Variants in DCAF6 observed in about 807,000 individuals in gnomAD.
The protein encoded by DCAF6 is DDB1- and CUL4-associated factor 6.
Under a neutral mutation model 125.1 loss-of-function variants are expected in DCAF6, and 54 were observed. The ratio of observed to expected loss-of-function variants is 0.43; its 90% confidence interval spans 0.35 to 0.54. The LOEUF is 0.54. DCAF6 is among the 20% of genes least tolerant of loss of function. The pLI is 0.01. For missense variants in DCAF6, 934 were observed against 1,161.7 expected, an observed-to-expected ratio of 0.80 and a Z score of 2.85; for synonymous variants, 371 against 390.4, an observed-to-expected ratio of 0.95 and a Z score of 0.58.
chr1:168,012,851 A>AT (rs1189804980), intron 10 of DCAF6, among the ~76,000 whole-genome samples: 2 of 152,110 alleles, frequency 1.3e-5, no homozygotes, highest in African/African-American at 2.4e-5. Context: ...CTAAATCTTG[A>AT]TTTTTTTCAA....
chr1:167,878,828 C>T, the DCAF6 span, among the ~76,000 whole-genome samples: 2 of 152,180 alleles, frequency 1.3e-5, no homozygotes, highest in African/African-American at 4.8e-5. Context: ...GTTAGTTAGC[C>T]ATTAGCAAAG....
At chr1:167,958,578 T>C (rs1221924314) in intron 2 of DCAF6, among the ~76,000 whole-genome samples, 2 of 152,156 alleles carry the variant, frequency 1.3e-5, no homozygotes, top group African/African-American at 2.4e-5. Context: ...TTATTTTAGG[T>C]GACTTGGTTT....
chr1:167,891,197 T>C, the DCAF6 span, among the ~76,000 whole-genome samples: 2 of 151,902 alleles, frequency 1.3e-5, no homozygotes, highest in Admixed American at 1.3e-4. Flanking sequence ...CCTGACCTGG[T>C]GATCCACCCA....
At chr1:167,880,166 C>G in the DCAF6 span, 3 of 1,613,552 alleles carry the variant, frequency 1.9e-6, no homozygotes, top group Non-Finnish European at 2.5e-6. Context: ...AAGACAATCC[C>G]ACTGGCAACA....
intron 17 of DCAF6, among the ~76,000 whole-genome samples, chr1:168,053,911 C>T (rs1690269579): frequency 6.6e-6 from 1 of 152,172 alleles, no homozygotes; most frequent in African/African-American, 2.4e-5. Context: ...GCCTCATAAG[C>T]AGACCCTTCT....
At chr1:167,917,597 CAAAAAA>C in the DCAF6 span, 2 of 79,838 alleles carry the variant, frequency 2.5e-5, no homozygotes, top group African/African-American at 5.0e-5. Flanking sequence ...GACCCTGTCT[CAAAAAA>C]AAAAAAAAAA....
the DCAF6 span, among the ~76,000 whole-genome samples, chr1:167,879,492 A>T: frequency 6.6e-6 from 1 of 151,670 alleles, no homozygotes; most frequent in Non-Finnish European, 1.5e-5. Flanking sequence ...TATACCCATC[A>T]CCCCATCCCA....
At chr1:167,934,476 A>G (rs1304867260), upstream of DCAF6, among the ~76,000 whole-genome samples, 1 of 152,012 alleles carries the variant, frequency 6.6e-6, no homozygotes, top group African/African-American at 2.4e-5. Flanking sequence ...AAAGGCAAAT[A>G]AACAAAAACT....
At chr1:168,056,935 T>G (rs550485566) in intron 17 of DCAF6, among the ~76,000 whole-genome samples, 1 of 152,334 alleles carries the variant, frequency 6.6e-6, no homozygotes, top group East Asian at 1.9e-4. Context: ...AAAGAATTTC[T>G]TTCTACAGAT....
chr1:168,004,034 CTA>C, intron 9 of DCAF6, 45 bp downstream of exon 9: 1 of 1,593,688 alleles, frequency 6.3e-7, no homozygotes, highest in East Asian at 2.2e-5. Context: ...CTGGCAAAAA[CTA>C]CTTATTGAAG....
chr1:167,924,982 T>C, the DCAF6 span, among the ~76,000 whole-genome samples: 1 of 152,138 alleles, frequency 6.6e-6, no homozygotes, highest in African/African-American at 2.4e-5. Context: ...ATTTGAAAAA[T>C]GTAAAAATGG....
the DCAF6 span, among the ~76,000 whole-genome samples, chr1:167,890,701 C>T: frequency 0.061 from 9,253 of 152,208 alleles, 370 homozygotes; most frequent in Middle Eastern, 0.12. Context: ...GAGTTTGGCT[C>T]TCTTATTTTT....
rs773553931 is a variant in DCAF6 at position 168,004,575 on chromosome 1, C to T, written c.1160C>T (p.Pro387Leu). The T allele has an allele frequency of 2.5e-6, 4 of 1,612,026 alleles. No individual in the cohort carries two copies. The highest frequency in any genetic ancestry group is 2.5e-6 in the Non-Finnish European group (3 of 1,178,950). Residue 387 changes from proline to leucine, a missense_variant, in exon 10 of 22, where the codon CCA becomes CTA. Physicochemically the swap from Pro to Leu is moderately conservative, Grantham distance 98 (BLOSUM62 -3). This residue lies in a region of DCAF6 where 559 missense variants were observed against 635.5 expected (regional missense o/e 0.88). Transcript: ENST00000367840. Reference protein sequence around the residue: ...QSDISTLPTVPSSPDLEVSET... With the variant: ...QSDISTLPTVLSSPDLEVSET... ...GATATTTCAACTCTTCCTACGGTCC[C>T]ATCAAGTCCTGATTTGGAAGTGAGT...
Position 168,011,362 on chromosome 1 carries a change from C to T in DCAF6, c.1379-4419C>T, listed in dbSNP as rs200948191. On this transcript the variant is annotated intron_variant, in intron 10 of 21. Coordinates refer to ENST00000367840, the MANE Select transcript of DCAF6 (RefSeq NM_001198956.2). ...TGATCTCCTGAGCTCGTGATCCACCCGCCTTGGCCTCCCAAAATGCTGGGA... is the reference window on the plus strand; with the variant it reads ...TGATCTCCTGAGCTCGTGATCCACCTGCCTTGGCCTCCCAAAATGCTGGGA... 3.3e-5 allele frequency among the ~76,000 whole-genome samples: 5 copies of T among 152,142 alleles called. No individual in the cohort carries two copies. In the East Asian group the frequency reaches 9.7e-4, roughly 29 times the overall value.
intron 2 of DCAF6, among the ~76,000 whole-genome samples, chr1:167,962,667 A>G (rs1675798402): frequency 6.6e-6 from 1 of 152,024 alleles, no homozygotes; most frequent in Non-Finnish European, 1.5e-5. Flanking sequence ...CTCTGTCTTA[A>G]TTTTTAGGCT....
chr1:168,012,028 T>A (rs1684369542), intron 10 of DCAF6, among the ~76,000 whole-genome samples: 1 of 152,020 alleles, frequency 6.6e-6, no homozygotes. Context: ...TCAATGGCCA[T>A]TTTTGGGGAA....
chr1:167,867,086 A>G, the DCAF6 span, among the ~76,000 whole-genome samples: 1 of 152,240 alleles, frequency 6.6e-6, no homozygotes, highest in Admixed American at 6.5e-5. Context: ...TAACCATTGA[A>G]GTTTGCAACA....
At chr1:168,047,372 C>T (rs1043312469) in intron 16 of DCAF6, among the ~76,000 whole-genome samples, 1 of 152,070 alleles carries the variant, frequency 6.6e-6, no homozygotes, top group Non-Finnish European at 1.5e-5. Context: ...TGGAACTGAT[C>T]CCACTTCATG....
intron 19 of DCAF6, 72 bp downstream of exon 19, chr1:168,065,818 T>C (rs1692255372): frequency 2.9e-6 from 4 of 1,369,140 alleles, no homozygotes; most frequent in Non-Finnish European, 1.0e-6. Context: ...AATTATTCTT[T>C]TTTAATTGTT....
Sources: allele counts gnomAD v4.1 joint callset (sites outside exome capture counted in the v4.1 genomes callset), GRCh38; gene constraint gnomAD v4.1.1; regional missense constraint gnomAD v4.1.1; transcripts MANE v1.5; gene names NCBI Gene and HGNC (gene_info 2026-07-23, HGNC 2026-07-21).